The following DPYSL2 variants were observed in gnomAD, a reference collection of about 807,000 sequenced individuals.
DPYSL2 encodes dihydropyrimidinase like 2, also known as dihydropyrimidinase-related protein 2.
DPYSL2 carries 13 observed loss-of-function variants against 69.9 expected under a neutral mutation model. The ratio of observed to expected loss-of-function variants is 0.19; its 90% CI spans 0.12 to 0.30. DPYSL2 has a LOEUF of 0.30. DPYSL2 is among the 10% of genes least tolerant of loss of function. DPYSL2 has a pLI of 1.00. For missense variants in DPYSL2, 587 were observed against 918.9 expected, an observed-to-expected ratio of 0.64 and a Z score of 4.67; for synonymous variants, 326 against 359.1, an observed-to-expected ratio of 0.91 and a Z score of 1.04.
chr8:26,630,425 T>A (rs1802743035), intron 7 of DPYSL2, among the ~76,000 whole-genome samples: 1 of 152,078 alleles, frequency 6.6e-6, no homozygotes, highest in Non-Finnish European at 1.5e-5. Context: ...GAAACAGTCT[T>A]GGGATTGGGC....
At chr8:26,570,090 A>C (rs1801213588) in intron 1 of DPYSL2, among the ~76,000 whole-genome samples, 1 of 152,210 alleles carries the variant, frequency 6.6e-6, no homozygotes, top group Non-Finnish European at 1.5e-5. Context: ...AGACTTGATA[A>C]ACGGTTTGCA....
rs546928356 is a variant in DPYSL2, at chr8:26,643,767, T to C, written c.1283+172T>C. On this transcript the variant is annotated intron_variant, in intron 9 of 13. Transcript: ENST00000521913. The surrounding 1 kb of genome is among the most constrained non-coding windows in gnomAD (Gnocchi z 6.5). The stretch of plus-strand genomic sequence containing the variant: ...GGGAATTGTCATTCTAGCACCATTT[T>C]GGGAGGGGATTCTGGATAAAAACCT... Among the ~76,000 whole-genome samples, 2 of 152,284 alleles carry C rather than the reference T, an allele frequency of 1.3e-5. No homozygotes were observed. Among genetic ancestry groups the C allele is most frequent in the East Asian group, 1.9e-4 (1 of 5,182 alleles).
At position 26,648,448 on chromosome 8, in the gene DPYSL2, C is replaced by G. The variant is rs912212317; in HGVS notation, c.1596+648C>G. Among the ~76,000 whole-genome samples the G allele has an allele frequency of 2.0e-5, 3 of 152,178 alleles. No individual in the cohort carries two copies. Among genetic ancestry groups the G allele is most frequent in the African/African-American group, 7.2e-5 (3 of 41,426 alleles). On this transcript the variant is annotated intron_variant, in intron 11 of 13. Transcript: ENST00000521913. This position sits in a 1 kb window ranked among gnomAD's most constrained non-coding sequence, Gnocchi z 4.3. ...AGGGCAAGTCTGTTAATGTCTTACG[C>G]TCCTCAGCTGAGAGTGAGGGGTTCA...
intron 1 of DPYSL2, chr8:26,548,247 C>A: frequency 5.0e-6 from 1 of 200,820 alleles, no homozygotes; most frequent in Admixed American, 5.4e-5. Context: ...TGGATTATTA[C>A]CAGGCCTTGG....
intron 1 of DPYSL2, among the ~76,000 whole-genome samples, chr8:26,544,536 A>G (rs977363293): frequency 5.9e-5 from 9 of 152,220 alleles, no homozygotes; most frequent in Non-Finnish European, 1.2e-4. Context: ...CTATATACAC[A>G]GTAGTATTGA....
intron 1 of DPYSL2, among the ~76,000 whole-genome samples, chr8:26,536,280 T>C (rs1341029349): frequency 6.6e-6 from 1 of 151,772 alleles, no homozygotes; most frequent in African/African-American, 2.4e-5. Flanking sequence ...TTTCAGCATA[T>C]TGCCCAGGCT....
Position 26,601,739 on chromosome 8 carries a change from G to T in DPYSL2, c.628+17756G>T, listed in dbSNP as rs1585537860. 2.0e-5 allele frequency among the ~76,000 whole-genome samples: 3 copies of T among 152,306 alleles called. No homozygotes were observed. The South Asian group carries it at 6.2e-4, about 32-fold the overall frequency. On this transcript the variant is annotated intron_variant, in intron 3 of 13. Transcript: ENST00000521913. ...ATTTAGGAGGACGAGAGAGACCTTG[G>T]GTTGAAACAGGAGAATTTTTACTGA...
intron 1 of DPYSL2, among the ~76,000 whole-genome samples, chr8:26,559,533 C>T (rs1307416001): frequency 6.6e-6 from 1 of 151,998 alleles, no homozygotes; most frequent in Non-Finnish European, 1.5e-5. Context: ...AAAAATTGTC[C>T]TTTAGTAAAG....
chr8:26,635,706 T>C (rs938520592), intron 8 of DPYSL2, among the ~76,000 whole-genome samples: 1 of 152,168 alleles, frequency 6.6e-6, no homozygotes, highest in Non-Finnish European at 1.5e-5. Flanking sequence ...CTTTCTCCCT[T>C]TTATGTTCCC....
intron 7 of DPYSL2, among the ~76,000 whole-genome samples, chr8:26,633,884 G>A (rs796180585): frequency 4.3e-4 from 65 of 152,372 alleles, no homozygotes; most frequent in African/African-American, 1.5e-3. Context: ...CACACAGGGG[G>A]CCATTGGTGT....
chr8:26,644,774 G>A lies in DPYSL2; in HGVS notation c.1425+683G>A, dbSNP rs1352090408. 1.3e-5 allele frequency among the ~76,000 whole-genome samples: 2 copies of A among 152,110 alleles called. No individual in the cohort carries two copies. The highest frequency in any genetic ancestry group is 4.8e-5 in the African/African-American group (2 of 41,412). ...AAATGGGCTCAATTTCCTTAAAAGT[G>A]TCTTTTAGGGCTCTCTGGACTTAGC... On this transcript the variant is annotated intron_variant, in intron 10 of 13. Transcript: ENST00000521913. This position sits in a 1 kb window ranked among gnomAD's most constrained non-coding sequence, Gnocchi z 4.5.
chr8:26,585,406 T>C lies in DPYSL2; in HGVS notation c.628+1423T>C, dbSNP rs997662964. Among the ~76,000 whole-genome samples the C allele has an allele frequency of 1.3e-5, 2 of 152,206 alleles. No individual in the cohort carries two copies. Among genetic ancestry groups the C allele is most frequent in the Non-Finnish European group, 2.9e-5 (2 of 68,036 alleles). On this transcript the variant is annotated intron_variant, in intron 3 of 13. Coordinates refer to ENST00000521913, the MANE Select transcript of DPYSL2 (RefSeq NM_001197293.3). This position sits in a 1 kb window ranked among gnomAD's most constrained non-coding sequence, Gnocchi z 4.0. ...TCATCCTCTGGCGTTCTCTCTGTCC[T>C]GGCCCTCAGGGTCTGAAGCATCAGG...
At position 26,580,023 on chromosome 8, in the gene DPYSL2, C is replaced by T. The variant is rs891560349; in HGVS notation, c.355-1946C>T. Among the ~76,000 whole-genome samples the T allele has an allele frequency of 1.9e-4, 28 of 151,026 alleles. No homozygotes were observed. Among genetic ancestry groups the T allele is most frequent in the African/African-American group, 6.8e-4 (28 of 41,002 alleles). ...AGGACCTATAGCATGGTATTCCTCC[C>T]TCCCTCACCACTGGCAGCCTCTTAT... is the stretch of plus-strand genomic sequence containing the variant. On this transcript the variant is annotated intron_variant, in intron 1 of 13. Coordinates refer to ENST00000521913, the MANE Select transcript of DPYSL2 (RefSeq NM_001197293.3). This position sits in a 1 kb window ranked among gnomAD's most constrained non-coding sequence, Gnocchi z 4.1.
At chr8:26,579,964 C>T (rs186105592) in intron 1 of DPYSL2, among the ~76,000 whole-genome samples, 1 of 132,414 alleles carries the variant, frequency 7.6e-6, no homozygotes, top group South Asian at 2.4e-4. Flanking sequence ...GCCCCCCCCC[C>T]CACACCCTTT....
intron 1 of DPYSL2, among the ~76,000 whole-genome samples, chr8:26,519,603 G>A (rs1585485201): frequency 6.6e-6 from 1 of 152,014 alleles, no homozygotes; most frequent in South Asian, 2.1e-4. Context: ...TAAGGAAACC[G>A]AGATTTAGTG....
chr8:26,639,550 G>A (rs1326270668), intron 8 of DPYSL2, among the ~76,000 whole-genome samples: 2 of 152,120 alleles, frequency 1.3e-5, no homozygotes, highest in Non-Finnish European at 2.9e-5. Flanking sequence ...GGGACATAAG[G>A]GCAGACATAG....
At chr8:26,535,534 C>T (rs933696257) in intron 1 of DPYSL2, among the ~76,000 whole-genome samples, 75 of 151,828 alleles carry the variant, frequency 4.9e-4, no homozygotes, top group African/African-American at 1.3e-3. Flanking sequence ...ATTCATTTCA[C>T]GGAACGTAAG....
intron 3 of DPYSL2, among the ~76,000 whole-genome samples, chr8:26,602,046 A>T (rs976824047): frequency 6.6e-6 from 1 of 151,654 alleles, no homozygotes; most frequent in East Asian, 1.9e-4. Context: ...TAGGCTTTTT[A>T]TGACTTTTGT....
intron 3 of DPYSL2, among the ~76,000 whole-genome samples, chr8:26,608,970 A>G (rs999462260): frequency 1.3e-5 from 2 of 152,110 alleles, no homozygotes; most frequent in Non-Finnish European, 2.9e-5. Flanking sequence ...CTCCTCACTC[A>G]TTGTGTTTCT....
Sources: gnomAD v4.1 joint callset for allele counts (sites outside exome capture counted in the v4.1 genomes callset) on GRCh38, gnomAD v4.1.1 for gene constraint, Gnocchi (gnomAD v3.1) non-coding constraint, MANE v1.5 for transcripts, NCBI Gene and HGNC (gene_info 2026-07-23, HGNC 2026-07-21) for gene names.